Variants in PCGF2 observed in about 807,000 individuals in gnomAD.
PCGF2 encodes polycomb group ring finger 2, also known as polycomb group RING finger protein 2.
A neutral mutation model predicts 36.1 loss-of-function variants in PCGF2; 8 were observed. The observed-to-expected ratio is 0.22, with a 90% CI of 0.13 to 0.40. The LOEUF is 0.40. Ranked by LOEUF, PCGF2 falls within the 10% of genes least tolerant of loss-of-function variation. The pLI is 1.00. For synonymous variants in PCGF2, 198 were observed against 191.2 expected (o/e 1.04, Z -0.29); for missense variants, 436 against 475.9 (o/e 0.92, Z 0.78).
Position 38,745,383 on chromosome 17 carries a change from G to A in PCGF2, c.-41+2496C>T, listed in dbSNP as rs540777348. 7.9e-5 allele frequency among the ~76,000 whole-genome samples: 12 copies of A among 152,118 alleles called. No homozygotes were observed. The East Asian group carries it at 2.1e-3, about 27-fold the overall frequency. On this transcript the variant is annotated intron_variant, in intron 2 of 10. Coordinates refer to ENST00000620225, the MANE Select transcript of PCGF2 (RefSeq NM_007144.3). ...TAGCGGAGCATGGTGGCAGGCGCCT[G>A]TAATCCCAGCTACTCAGGAGGCTGA... is the stretch of plus-strand genomic sequence containing the variant.
Position 38,738,354 on chromosome 17 carries a change from T to C in PCGF2, c.575A>G (p.Lys192Arg). 1 of 1,613,084 alleles carries C rather than the reference T, an allele frequency of 6.2e-7. No homozygotes were observed. Among genetic ancestry groups the C allele is most frequent in the Non-Finnish European group, 8.5e-7 (1 of 1,179,014 alleles). ...TTTTTGAAAGGCCCAGGGACCCACC[T>C]TGTACTTGCTGGGCACATCCATCTT... ...RNKMDVPSKY[K>R]VEVLYEDEPL... The change falls in exon 9 of 11, where the codon AAG becomes AGG. Residue 192 changes from lysine to arginine, a missense_variant and splice_region_variant. Coordinates refer to ENST00000620225, the MANE Select transcript of PCGF2 (RefSeq NM_007144.3).
At chr17:38,737,776 G>T (rs955464803) in intron 9 of PCGF2, among the ~76,000 whole-genome samples, 1 of 151,970 alleles carries the variant, frequency 6.6e-6, no homozygotes, top group Non-Finnish European at 1.5e-5. Context: ...GCCAGGTGTG[G>T]TGGCAGGCGC....
chr17:38,742,497 G>T (rs1262012945), intron 2 of PCGF2, among the ~76,000 whole-genome samples: 1 of 152,204 alleles, frequency 6.6e-6, no homozygotes, highest in Non-Finnish European at 1.5e-5. Flanking sequence ...CCAGGTTACA[G>T]GGCAGACAGA....
rs1906475950 is a variant in PCGF2, at chr17:38,733,955, G to A, written c.*1268C>T. The A allele has an allele frequency of 6.4e-6, 1 of 155,142 alleles. No homozygotes were observed. The highest frequency in any genetic ancestry group is 1.4e-5 in the Non-Finnish European group (1 of 70,018). The allele number at this position is 155,142 out of a possible 1,614,324, so 9.6% of individuals were successfully genotyped here. A position where few individuals can be genotyped will look rare whatever the true frequency, so the allele number is the denominator to read the frequency against. ...GATACAGATGTCCCAGGGCAAAGGA[G>A]GGTACAGTCACAGGACCTCAGACAC... On this transcript the variant is annotated 3_prime_UTR_variant, in exon 11 of 11. Coordinates refer to ENST00000620225, the MANE Select transcript of PCGF2 (RefSeq NM_007144.3).
At chr17:38,745,427 C>G (rs562800169) in intron 2 of PCGF2, among the ~76,000 whole-genome samples, 62 of 152,224 alleles carry the variant, frequency 4.1e-4, no homozygotes, top group Non-Finnish European at 8.1e-4. Flanking sequence ...ATTGCTTGAA[C>G]CTGGGAGGCA....
In PCGF2 at chr17:38,739,055, C is replaced by T. The variant is rs374183574; in HGVS notation, c.316+13G>A. 5.2e-5 allele frequency: 84 copies of T among 1,612,378 alleles called. No homozygotes were observed. The highest frequency in any genetic ancestry group is 4.6e-4 in the South Asian group (42 of 91,000). ...AAGACTGTGCACACACAAACAGACGCGAGCACACTCACCCTCCGTCAGGGG... is the reference window on the plus strand; with the variant it reads ...AAGACTGTGCACACACAAACAGACGTGAGCACACTCACCCTCCGTCAGGGG... On this transcript the variant is annotated intron_variant, in intron 6 of 10. Transcript: ENST00000620225. The surrounding 1 kb of genome is among the most constrained non-coding windows in gnomAD (Gnocchi z 4.0).
At chr17:38,738,242 C>T (rs1460817877) in intron 9 of PCGF2, 111 bp downstream of exon 9, 37 of 885,778 alleles carry the variant, frequency 4.2e-5, no homozygotes, top group East Asian at 1.1e-4. Context: ...CTCAGTTAAC[C>T]GCGCAAGCCC....
chr17:38,735,755 G>T (rs968254951), intron 10 of PCGF2, among the ~76,000 whole-genome samples, 155 bp from the exon 11 acceptor site: 4 of 152,188 alleles, frequency 2.6e-5, no homozygotes, highest in Non-Finnish European at 4.4e-5. Context: ...GATACAGGGT[G>T]CATGAAGACC....
Position 38,735,135 on chromosome 17 carries a change from G to A in PCGF2, c.*88C>T. The stretch of plus-strand genomic sequence containing the variant: ...CCCACCCCCAAGGTGGGAAGAGCTG[G>A]GGAAAGTAGAAGAGGTGGAAAAAAG... On this transcript the variant is annotated 3_prime_UTR_variant, in exon 11 of 11. Coordinates refer to ENST00000620225, the MANE Select transcript of PCGF2 (RefSeq NM_007144.3). 1.9e-6 allele frequency: 2 copies of A among 1,079,294 alleles called. No homozygotes were observed. Among genetic ancestry groups the A allele is most frequent in the Non-Finnish European group, 2.4e-6 (2 of 819,256 alleles). The allele number at this position is 1,079,294 out of a possible 1,614,324, so 66.9% of individuals were successfully genotyped here.
Position 38,748,220 on chromosome 17 carries a change from C to G in PCGF2, c.-158G>C, listed in dbSNP as rs1292034626. 8.6e-4 allele frequency: 2 copies of G among 2,338 alleles called. No individual in the cohort carries two copies. Among genetic ancestry groups the G allele is most frequent in the African/African-American group, 2.4e-3 (1 of 418 alleles). 0.1% of individuals were successfully genotyped at this position (2,338 alleles called of 1,614,324 possible). ...CCTGGGTTCGGGGTCCGGTGGGTCT[C>G]GGGGAGGGGGGGATGGGAGGGAGGG... On this transcript the variant is annotated 5_prime_UTR_variant, in exon 1 of 11. Transcript: ENST00000620225.
At chr17:38,736,010 G>T in intron 10 of PCGF2, 80 bp downstream of exon 10, 1 of 935,706 alleles carries the variant, frequency 1.1e-6, no homozygotes, top group Non-Finnish European at 1.7e-6. Context: ...TCTGATTACA[G>T]AAGGGTGGCC....
intron 9 of PCGF2, 85 bp from the exon 10 acceptor site, chr17:38,736,255 A>G (rs1350960540): frequency 2.5e-6 from 2 of 788,984 alleles, no homozygotes; most frequent in Non-Finnish European, 2.2e-6. Flanking sequence ...AGGCGGGGCA[A>G]TGGGAAGGGT....
intron 9 of PCGF2, among the ~76,000 whole-genome samples, chr17:38,737,162 C>A (rs934273716): frequency 6.6e-6 from 1 of 150,686 alleles, no homozygotes; most frequent in Non-Finnish European, 1.5e-5. Flanking sequence ...AACAAAAAAC[C>A]AAAAACCCAC....
chr17:38,742,685 G>A (rs376846343), intron 2 of PCGF2, among the ~76,000 whole-genome samples: 4 of 152,296 alleles, frequency 2.6e-5, no homozygotes, highest in African/African-American at 4.8e-5. Context: ...CTGTTTGGTC[G>A]TTTCCATAGT....
At chr17:38,740,781 C>G (rs1907152824) in intron 2 of PCGF2, among the ~76,000 whole-genome samples, 1 of 151,700 alleles carries the variant, frequency 6.6e-6, no homozygotes, top group South Asian at 2.1e-4. Flanking sequence ...AAAAAAGAAA[C>G]CCAGAGCCTC....
At chr17:38,743,996 A>C (rs996676462) in intron 2 of PCGF2, among the ~76,000 whole-genome samples, 3 of 152,170 alleles carry the variant, frequency 2.0e-5, no homozygotes, top group African/African-American at 7.2e-5. Context: ...GAGGCCAAGC[A>C]CCATTGGAAG....
At chr17:38,746,772 C>G (rs986196069) in intron 2 of PCGF2, 1 of 152,264 alleles carries the variant, frequency 6.6e-6, no homozygotes, top group African/African-American at 2.4e-5. Flanking sequence ...GGTTGGTTTC[C>G]TGCTTCATTC....
chr17:38,736,634 A>T (rs1261604459), intron 9 of PCGF2, among the ~76,000 whole-genome samples: 1 of 152,068 alleles, frequency 6.6e-6, no homozygotes, highest in Non-Finnish European at 1.5e-5. Context: ...GGAGATCGAG[A>T]CCATCCTGGC....
At chr17:38,738,624 A>G (rs2143089636) in intron 7 of PCGF2, 29 bp from the exon 8 acceptor site, 1 of 1,563,130 alleles carries the variant, frequency 6.4e-7, no homozygotes, top group Non-Finnish European at 8.7e-7. Context: ...TGAAGCTAGG[A>G]AGACCCAGGA....
Sources: allele counts gnomAD v4.1 joint callset (sites outside exome capture counted in the v4.1 genomes callset), GRCh38; gene constraint gnomAD v4.1.1; non-coding constraint Gnocchi (gnomAD v3.1); transcripts MANE v1.5; gene names NCBI Gene and HGNC (gene_info 2026-07-23, HGNC 2026-07-21).